Variants in KIF21B observed in about 807,000 individuals in gnomAD.
KIF21B encodes kinesin-like protein KIF21B.
A neutral mutation model predicts 192.9 loss-of-function variants in KIF21B; 85 were observed. The ratio of observed to expected loss-of-function variants is 0.44; its 90% CI spans 0.37 to 0.53. The LOEUF (loss-of-function observed/expected upper bound fraction) is 0.53, where lower values mean the gene tolerates loss of function less well. Ranked by LOEUF, KIF21B falls within the 20% of genes least tolerant of loss-of-function variation. The probability of loss-of-function intolerance (pLI) is 0.00; values close to 1 mark genes in which losing one functional copy is unlikely to be tolerated. For synonymous variants in KIF21B, 832 were observed against 884.6 expected, an observed-to-expected ratio of 0.94 and a Z score of 1.05; for missense variants, 1,716 against 2,194.8, an observed-to-expected ratio of 0.78 and a Z score of 4.36.
At chr1:201,022,654 C>T (rs984146347) in intron 1 of KIF21B, among the ~76,000 whole-genome samples, 5 of 152,222 alleles carry the variant, frequency 3.3e-5, no homozygotes, top group African/African-American at 1.2e-4. Context: ...GGCAACCCTC[C>T]CCTGCTCAAT....
intron 17 of KIF21B, among the ~76,000 whole-genome samples, chr1:200,991,442 G>A (rs539710911): frequency 6.6e-6 from 1 of 152,380 alleles, no homozygotes; most frequent in East Asian, 1.9e-4. Flanking sequence ...ACACAATTTG[G>A]ACACCAAATA....
chr1:201,002,616 C>T (rs1398140671), intron 8 of KIF21B: 2 of 462,662 alleles, frequency 4.3e-6, no homozygotes, highest in African/African-American at 3.9e-5. Flanking sequence ...ACCTAACTTT[C>T]CACAGTGTAT....
intron 26 of KIF21B, among the ~76,000 whole-genome samples, chr1:200,985,358 C>T (rs1267082111): frequency 6.6e-6 from 1 of 152,108 alleles, no homozygotes; most frequent in Non-Finnish European, 1.5e-5. Context: ...CATGGTGGTG[C>T]ATGCCTGTAG....
chr1:201,010,861 G>A (rs961735837), intron 1 of KIF21B, among the ~76,000 whole-genome samples: 6 of 152,304 alleles, frequency 3.9e-5, no homozygotes, highest in East Asian at 1.9e-4. Flanking sequence ...GCACTTCCAC[G>A]GCAAGGGAGT....
intron 15 of KIF21B, 128 bp downstream of exon 15, chr1:200,996,068 A>T: frequency 1.0e-6 from 1 of 966,244 alleles, no homozygotes; most frequent in South Asian, 1.5e-5. Flanking sequence ...GGGTCAAACT[A>T]GGTTAATGCT....
Position 200,988,909 on chromosome 1 carries a change from TC to T in KIF21B, c.3154del (p.Glu1052LysfsTer11), listed in dbSNP as rs1395801989. On this transcript the variant is annotated frameshift_variant, in exon 22 of 35. Coordinates refer to ENST00000461742, the MANE Select transcript of KIF21B (RefSeq NM_001252102.2). LOFTEE classifies it high-confidence loss of function. ...IDKGLQVAQK[E>X]AQIRLLEGRL... ...GCCCTCCAACAGCCGGATCTGGGCTTCCTTTTGTGCCACTTGCAGCCCCTGG... is the reference window on the plus strand; with the variant it reads ...GCCCTCCAACAGCCGGATCTGGGCTTCTTTTGTGCCACTTGCAGCCCCTGG... 6.2e-7 allele frequency: 1 copy of T among 1,611,816 alleles called. No individual in the cohort carries two copies.
At position 200,990,296 on chromosome 1, in the gene KIF21B, G is replaced by T; in HGVS notation, c.2872C>A (p.Arg958=). 6.2e-7 allele frequency: 1 copy of T among 1,612,958 alleles called. No individual in the cohort carries two copies. The highest frequency in any genetic ancestry group is 8.5e-7 in the Non-Finnish European group (1 of 1,179,706). Residue 958 remains arginine, a synonymous_variant, in exon 20 of 35, where the codon CGG becomes AGG. Transcript: ENST00000461742. The surrounding 1 kb of genome is among the most constrained non-coding windows in gnomAD (Gnocchi z 5.4). The part of the protein sequence containing the change: ...EELFLLQEAL[R]RKRERLQAES... ...GCCTGCAGCCGCTCCCGCTTCCTCC[G>T]CAGTGCCTCCTGCAGGAGGAACAGC...
In KIF21B at chr1:201,000,220, C is replaced by T. The variant is rs906701910; in HGVS notation, c.1685+170G>A. On this transcript the variant is annotated intron_variant, in intron 11 of 34. Coordinates refer to ENST00000461742, the MANE Select transcript of KIF21B (RefSeq NM_001252102.2). This position sits in a 1 kb window ranked among gnomAD's most constrained non-coding sequence, Gnocchi z 6.0. ...TGGGGGAGGGAGGTTGCCCAAAAGG[C>T]TGAGCAAATCTGCGCCATGAATTCC... is the stretch of plus-strand genomic sequence containing the variant. 6.6e-6 allele frequency among the ~76,000 whole-genome samples: 1 copy of T among 152,148 alleles called. No homozygotes were observed. Among genetic ancestry groups the T allele is most frequent in the African/African-American group, 2.4e-5 (1 of 41,436 alleles).
intron 1 of KIF21B, among the ~76,000 whole-genome samples, chr1:201,018,521 G>A (rs1441414987): frequency 1.3e-5 from 2 of 152,240 alleles, no homozygotes; most frequent in African/African-American, 4.8e-5. Flanking sequence ...CGGCCACTGT[G>A]TGTAGTAAAG....
At chr1:200,984,787 AG>A in intron 27 of KIF21B, 71 bp downstream of exon 27, 1 of 1,203,948 alleles carries the variant, frequency 8.3e-7, no homozygotes, top group Admixed American at 2.8e-5. Flanking sequence ...GCCCTCCTCC[AG>A]CAAGGACCAT....
rs970233088 is a variant in KIF21B at position 200,975,317 on chromosome 1, G to A, written c.4614+182C>T. Among the ~76,000 whole-genome samples, 11 of 152,176 alleles carry A rather than the reference G, an allele frequency of 7.2e-5. No homozygotes were observed. Among genetic ancestry groups the A allele is most frequent in the Non-Finnish European group, 7.4e-5 (5 of 68,022 alleles). ...GAGATGTGGCATCAGGAGAGGCCGC[G>A]GGTAGGGAAGAAGGGAGGATGGAGA... On this transcript the variant is annotated intron_variant, in intron 33 of 34. Coordinates refer to ENST00000461742, the MANE Select transcript of KIF21B (RefSeq NM_001252102.2). The surrounding 1 kb of genome is among the most constrained non-coding windows in gnomAD (Gnocchi z 4.3).
intron 34 of KIF21B, 165 bp from the exon 35 acceptor site, chr1:200,973,743 T>A (rs112603371): frequency 1.4e-6 from 2 of 1,470,880 alleles, no homozygotes; most frequent in Non-Finnish European, 1.8e-6. Flanking sequence ...GGTGGTGGGG[T>A]GCTGGGCAGA....
At chr1:201,010,136 C>A (rs1055794582) in intron 1 of KIF21B, among the ~76,000 whole-genome samples, 2 of 152,176 alleles carry the variant, frequency 1.3e-5, no homozygotes, top group African/African-American at 4.8e-5. Flanking sequence ...CGGGAGCTCC[C>A]CTCCCTGACG....
rs190432693 is a variant in KIF21B, at chr1:200,994,491, A to C, written c.2277+1705T>G. 7.2e-5 allele frequency among the ~76,000 whole-genome samples: 11 copies of C among 152,370 alleles called. No individual in the cohort carries two copies. In the East Asian group the frequency reaches 1.2e-3, roughly 16 times the overall value. On this transcript the variant is annotated intron_variant, in intron 15 of 34. Coordinates refer to ENST00000461742, the MANE Select transcript of KIF21B (RefSeq NM_001252102.2). ...CCTCTCTGCTTCTAGCTCTGGGTTCATAAGAACACTGTCAATGTGGACAGA... is the reference window on the plus strand; with the variant it reads ...CCTCTCTGCTTCTAGCTCTGGGTTCCTAAGAACACTGTCAATGTGGACAGA...
intron 1 of KIF21B, among the ~76,000 whole-genome samples, chr1:201,009,908 C>T (rs1024803999): frequency 6.6e-6 from 1 of 152,184 alleles, no homozygotes. Context: ...CATAAAAGCA[C>T]GTACTCCTGA....
chr1:201,000,774 C>A lies in KIF21B; in HGVS notation c.1409G>T (p.Gly470Val). The A allele has an allele frequency of 6.2e-7, 1 of 1,614,176 alleles. No individual in the cohort carries two copies. Among genetic ancestry groups the A allele is most frequent in the Non-Finnish European group, 8.5e-7 (1 of 1,180,004 alleles). The change falls in exon 10 of 35, where the codon GGC becomes GTC. Residue 470 changes from glycine to valine, a missense_variant. Coordinates refer to ENST00000461742, the MANE Select transcript of KIF21B (RefSeq NM_001252102.2). The surrounding 1 kb of genome is among the most constrained non-coding windows in gnomAD (Gnocchi z 6.0). ...GATCAGCGCACCAATGGCCTCATTG[C>A]CATCGCCTGGAGTGGGACGGCGGGA... Reference protein sequence around the residue: ...ANLLLAKAGDGNEAIGALIQN... With the variant: ...ANLLLAKAGDVNEAIGALIQN...
At chr1:200,987,275 TA>T in intron 24 of KIF21B, 74 bp from the exon 25 acceptor site, 3 of 1,381,846 alleles carry the variant, frequency 2.2e-6, no homozygotes, top group Non-Finnish European at 3.0e-6. Context: ...GGGGAAATTC[TA>T]TTTTTTTTTT....
intron 32 of KIF21B, 90 bp downstream of exon 32, chr1:200,976,686 A>T: frequency 1.3e-6 from 1 of 764,120 alleles, no homozygotes; most frequent in Non-Finnish European, 2.1e-6. Context: ...GAAGTCTTAT[A>T]ATTTTTCATG....
chr1:200,983,325 C>T (rs1656071214), intron 27 of KIF21B, among the ~76,000 whole-genome samples: 1 of 152,046 alleles, frequency 6.6e-6, no homozygotes. Context: ...TCTCGGCTGG[C>T]AAGGGAGGAG....
Sources: allele counts gnomAD v4.1 joint callset (sites outside exome capture counted in the v4.1 genomes callset), GRCh38; gene constraint gnomAD v4.1.1; non-coding constraint Gnocchi (gnomAD v3.1); transcripts MANE v1.5; gene names NCBI Gene and HGNC (gene_info 2026-07-23, HGNC 2026-07-21).